The following RNF43 variants were observed in gnomAD, a reference collection of about 807,000 sequenced individuals.
RNF43 encodes the protein ring finger protein 43, also known as E3 ubiquitin-protein ligase RNF43.
In RNF43, 37 loss-of-function variants were observed where a neutral mutation model predicts 78.4. The ratio of observed to expected loss-of-function variants is 0.47; its 90% confidence interval spans 0.36 to 0.62. The LOEUF is 0.62. Ranked by LOEUF, RNF43 falls within the 20% of genes least tolerant of loss-of-function variation. RNF43 has a pLI of 0.00. For missense variants in RNF43, 774 were observed against 1,007.9 expected (o/e 0.77, Z 3.14); for synonymous variants, 347 against 395.0 (o/e 0.88, Z 1.44).
At position 58,357,891 on chromosome 17, in the gene RNF43, C is replaced by T. The variant is rs538022572; in HGVS notation, c.1885G>A (p.Ala629Thr). The T allele has an allele frequency of 1.7e-4, 274 of 1,613,244 alleles. 1 individual carries two copies. The South Asian group carries it at 2.7e-3, about 16-fold the overall frequency. ...LPEPAPGPVD[A>T]SSICPSTSSL... is the part of the protein sequence containing the mutation. ...CTGGTACTGGGGCAGATGCTGGAGG[C>T]GTCAACTGGGCCAGGGGCTGGCTCA... The change falls in exon 9 of 10, where the codon GCC (alanine) becomes ACC (threonine). Residue 629 changes from alanine to threonine, a missense_variant. Coordinates refer to ENST00000407977, the MANE Select transcript of RNF43 (RefSeq NM_017763.6). This position sits in a 1 kb window ranked among gnomAD's most constrained non-coding sequence, Gnocchi z 4.5.
chr17:58,398,713 T>C (rs1318417558), intron 2 of RNF43, among the ~76,000 whole-genome samples: 1 of 152,098 alleles, frequency 6.6e-6, no homozygotes, highest in Non-Finnish European at 1.5e-5. Context: ...CCTCAATAAA[T>C]GTATAAAGAT....
chr17:58,402,482 G>C (rs1227468038), intron 2 of RNF43, among the ~76,000 whole-genome samples: 1 of 152,108 alleles, frequency 6.6e-6, no homozygotes, highest in Non-Finnish European at 1.5e-5. Flanking sequence ...GCTCAAGGAA[G>C]GAAAGCTAGA....
At chr17:58,408,034 G>A (rs1973949553) in intron 2 of RNF43, among the ~76,000 whole-genome samples, 1 of 152,250 alleles carries the variant, frequency 6.6e-6, no homozygotes, top group South Asian at 2.1e-4. Flanking sequence ...TTTTACTTCT[G>A]GAGTTCCTTC....
chr17:58,405,909 T>C (rs1302356388), intron 2 of RNF43, among the ~76,000 whole-genome samples: 2 of 152,186 alleles, frequency 1.3e-5, no homozygotes, highest in African/African-American at 2.4e-5. Context: ...TGAATTACTA[T>C]AGTATCTGTC....
At chr17:58,356,996 C>T (rs914739031) in intron 9 of RNF43, 17 of 548,010 alleles carry the variant, frequency 3.1e-5, no homozygotes, top group African/African-American at 1.7e-4. Context: ...TAGGTTCACG[C>T]GATTCTCCTG....
chr17:58,369,299 G>A (rs1973029802), intron 3 of RNF43, among the ~76,000 whole-genome samples: 1 of 152,162 alleles, frequency 6.6e-6, no homozygotes, highest in Non-Finnish European at 1.5e-5. Context: ...GCTCCTCCAA[G>A]TGCATCCTGA....
chr17:58,361,719 G>A (rs114010461), intron 6 of RNF43, among the ~76,000 whole-genome samples: 1,917 of 152,160 alleles, frequency 0.013, 40 homozygotes, highest in African/African-American at 0.043. Flanking sequence ...CTACTCTGCC[G>A]TCTCACTCTG....
chr17:58,357,703 A>C lies in RNF43; in HGVS notation c.2073T>G (p.Pro691=), dbSNP rs1355040093. 6.2e-7 allele frequency: 1 copy of C among 1,611,510 alleles called. No homozygotes were observed. The highest frequency in any genetic ancestry group is 1.1e-5 in the South Asian group (1 of 90,794). Reference sequence around the variant, plus strand: ...TCAAGGGGTGTGCCTCTGGGGACCAAGGATATGCCACACTGGGGGTGTAAT... The same window carrying C: ...TCAAGGGGTGTGCCTCTGGGGACCACGGATATGCCACACTGGGGGTGTAAT... The part of the protein sequence containing the change: ...FPHYTPSVAY[P]WSPEAHPLIC... Residue 691 remains proline (P), a synonymous_variant, in exon 9 of 10, where the codon CCT becomes CCG. Transcript: ENST00000407977. This position sits in a 1 kb window ranked among gnomAD's most constrained non-coding sequence, Gnocchi z 4.5.
At chr17:58,375,638 C>A (rs769702790) in intron 2 of RNF43, among the ~76,000 whole-genome samples, 4 of 152,150 alleles carry the variant, frequency 2.6e-5, no homozygotes, top group Non-Finnish European at 5.9e-5. Context: ...CAAGACAGAG[C>A]ACACCCAAAT....
At chr17:58,400,884 A>T (rs1184639519) in intron 2 of RNF43, among the ~76,000 whole-genome samples, 1 of 152,084 alleles carries the variant, frequency 6.6e-6, no homozygotes. Flanking sequence ...GCCCTGAGGG[A>T]ACCCAAGAAA....
At chr17:58,395,867 T>A (rs1478201666) in intron 2 of RNF43, among the ~76,000 whole-genome samples, 2 of 152,186 alleles carry the variant, frequency 1.3e-5, no homozygotes, top group Non-Finnish European at 2.9e-5. Context: ...TCAGTTCTTC[T>A]CTTTCATTTT....
At chr17:58,388,434 A>G (rs1383875329) in intron 2 of RNF43, among the ~76,000 whole-genome samples, 3 of 152,150 alleles carry the variant, frequency 2.0e-5, no homozygotes, top group Non-Finnish European at 4.4e-5. Flanking sequence ...AGAAACAGAG[A>G]CTCACTTCAT....
intron 3 of RNF43, among the ~76,000 whole-genome samples, chr17:58,369,695 T>C (rs993326060): frequency 1.3e-5 from 2 of 152,214 alleles, no homozygotes; most frequent in South Asian, 2.1e-4. Flanking sequence ...CCCTTCCTAA[T>C]TGTGTCATCC....
Position 58,417,529 on chromosome 17 carries a change from A to C in RNF43, c.-898T>G, listed in dbSNP as rs147984748. 6.6e-6 allele frequency: 1 copy of C among 152,102 alleles called. No homozygotes were observed. The highest frequency in any genetic ancestry group is 1.5e-5 in the Non-Finnish European group (1 of 68,028). 9.4% of individuals were successfully genotyped at this position (152,102 alleles called of 1,614,324 possible). A position where few individuals can be genotyped will look rare whatever the true frequency, so the allele number is the denominator to read the frequency against. On this transcript the variant is annotated 5_prime_UTR_variant, in exon 1 of 10. Coordinates refer to ENST00000407977, the MANE Select transcript of RNF43 (RefSeq NM_017763.6). The stretch of plus-strand genomic sequence containing the variant: ...CTTTCAGAAAGACAATTCTGGATCA[A>C]CTCCCTAGAGCAGGAAGCCTGTGGT...
In RNF43 at chr17:58,360,139, CACCTCCT is replaced by C. The variant is rs1340859561; in HGVS notation, c.952+3_952+9del. Reference sequence around the variant, plus strand: ...CCTACACAGAGGGGAGTCCTTGGCCCACCTCCTACCTGTGATGTTGAACATGCAGAGG... The same window carrying C: ...CCTACACAGAGGGGAGTCCTTGGCCCACCTGTGATGTTGAACATGCAGAGG... On this transcript the variant is annotated splice_donor_5th_base_variant and intron_variant, in intron 8 of 9. Coordinates refer to ENST00000407977, the MANE Select transcript of RNF43 (RefSeq NM_017763.6). The surrounding 1 kb of genome is among the most constrained non-coding windows in gnomAD (Gnocchi z 4.3). 1 of 1,608,670 alleles carries C rather than the reference CACCTCCT, an allele frequency of 6.2e-7. No individual in the cohort carries two copies. Among genetic ancestry groups the C allele is most frequent in the Non-Finnish European group, 8.5e-7 (1 of 1,175,554 alleles).
Position 58,357,356 on chromosome 17 carries a change from G to T in RNF43, c.2308+112C>A. The stretch of plus-strand genomic sequence containing the variant: ...GTTAAGTATTTTGGTTGTCATCTCT[G>T]CTGTATCCTTCTCAGCTTCCATCAA... On this transcript the variant is annotated intron_variant, in intron 9 of 9. Transcript: ENST00000407977. This position sits in a 1 kb window ranked among gnomAD's most constrained non-coding sequence, Gnocchi z 4.5. 2 of 1,374,514 alleles carry T rather than the reference G, an allele frequency of 1.5e-6. No individual in the cohort carries two copies. Among genetic ancestry groups the T allele is most frequent in the Non-Finnish European group, 2.1e-6 (2 of 966,208 alleles). 85.1% of individuals were successfully genotyped at this position (1,374,514 alleles called of 1,614,324 possible). A position where few individuals can be genotyped will look rare whatever the true frequency, so the allele number is the denominator to read the frequency against.
rs1351805823 is a variant in RNF43, at chr17:58,354,973, TTCC to T, written c.2319_2321del (p.Glu774del). ...CAGCCTGTTCACACAGCTCCTCGAG[TTCC>T]TCCTCTGAGCCTGTATTTAGAGAGC... On this transcript the variant is annotated inframe_deletion, in exon 10 of 10. Coordinates refer to ENST00000407977, the MANE Select transcript of RNF43 (RefSeq NM_017763.6). The T allele has an allele frequency of 6.2e-7, 1 of 1,613,740 alleles. No individual in the cohort carries two copies. The highest frequency in any genetic ancestry group is 8.5e-7 in the Non-Finnish European group (1 of 1,179,782).
At chr17:58,414,972 TA>T (rs1974094306) in intron 2 of RNF43, among the ~76,000 whole-genome samples, 1 of 152,206 alleles carries the variant, frequency 6.6e-6, no homozygotes. Flanking sequence ...AAACAGGATG[TA>T]AAATACAATC....
chr17:58,375,510 G>C (rs1973188617), intron 2 of RNF43, among the ~76,000 whole-genome samples: 1 of 152,202 alleles, frequency 6.6e-6, no homozygotes, highest in African/African-American at 2.4e-5. Flanking sequence ...TTCTCCAGAT[G>C]ATGACTGAGT....
Sources: gnomAD v4.1 joint callset for allele counts (sites outside exome capture counted in the v4.1 genomes callset) on GRCh38, gnomAD v4.1.1 for gene constraint, Gnocchi (gnomAD v3.1) non-coding constraint, MANE v1.5 for transcripts, NCBI Gene and HGNC (gene_info 2026-07-23, HGNC 2026-07-21) for gene names.